NXN: variants seen among roughly 807,000 people sequenced by gnomAD.
NXN encodes nucleoredoxin 1.
A neutral mutation model predicts 48.6 loss-of-function variants in NXN; 16 were observed. The observed-to-expected ratio is 0.33, with a 90% CI of 0.22 to 0.50. The LOEUF is 0.50. Among genes scored for constraint, NXN ranks in the 20% least tolerant of loss-of-function variants. The probability of loss-of-function intolerance (pLI) is 0.98; values close to 1 mark genes in which losing one functional copy is unlikely to be tolerated. For synonymous variants in NXN, 281 were observed against 269.6 expected (o/e 1.04, Z -0.41); for missense variants, 492 against 605.5 (o/e 0.81, Z 1.97).
intron 1 of NXN, among the ~76,000 whole-genome samples, chr17:880,418 C>G (rs536281055): frequency 6.6e-6 from 1 of 152,184 alleles, no homozygotes; most frequent in Admixed American, 6.5e-5. Flanking sequence ...TCTTTGTGGC[C>G]TGTTAGAGCC....
chr17:904,639 G>A (rs2068567202), intron 1 of NXN, among the ~76,000 whole-genome samples: 1 of 152,118 alleles, frequency 6.6e-6, no homozygotes, highest in Non-Finnish European at 1.5e-5. Context: ...TGCCTCCCGG[G>A]TTCAAGCGAT....
intron 1 of NXN, among the ~76,000 whole-genome samples, chr17:831,037 T>C (rs951580461): frequency 1.3e-5 from 2 of 148,246 alleles, no homozygotes; most frequent in African/African-American, 5.0e-5. Flanking sequence ...CCTATGCTGA[T>C]TGGGTTACTC....
At chr17:947,940 A>T (rs1425774119) in intron 1 of NXN, among the ~76,000 whole-genome samples, 1 of 151,226 alleles carries the variant, frequency 6.6e-6, no homozygotes, top group Admixed American at 6.6e-5. Context: ...ACTCCCAGCT[A>T]CTCGGGAGGC....
At position 800,835 on chromosome 17, in the gene NXN, G is replaced by A. The variant is rs539097491; in HGVS notation, c.*114C>T. The A allele has an allele frequency of 2.4e-5, 15 of 621,666 alleles. No individual in the cohort carries two copies. In the African/African-American group the frequency reaches 2.7e-4, roughly 11 times the overall value. 38.5% of individuals were successfully genotyped at this position (621,666 alleles called of 1,614,324 possible). The stretch of plus-strand genomic sequence containing the variant: ...AGAAACAAGGCACCACAGAGAGGCT[G>A]GACACTTGGGTGGTGGGATTCGGGG... On this transcript the variant is annotated 3_prime_UTR_variant, in exon 8 of 8. Transcript: ENST00000336868.
chr17:890,219 C>T (rs1384309901), intron 1 of NXN, among the ~76,000 whole-genome samples: 1 of 151,942 alleles, frequency 6.6e-6, no homozygotes, highest in Non-Finnish European at 1.5e-5. Flanking sequence ...ATGCTGTTCT[C>T]GATGATCCTT....
intron 1 of NXN, among the ~76,000 whole-genome samples, chr17:863,142 A>G (rs2144784526): frequency 6.6e-6 from 1 of 152,122 alleles, no homozygotes; most frequent in African/African-American, 2.4e-5. Flanking sequence ...CTCTGCATAC[A>G]TGGGTTTCAC....
intron 1 of NXN, among the ~76,000 whole-genome samples, chr17:965,813 G>A (rs1374147119): frequency 6.6e-6 from 1 of 151,962 alleles, no homozygotes; most frequent in Non-Finnish European, 1.5e-5. Context: ...GGCCGAGGCA[G>A]GAGAATGGTG....
rs139356196 is a variant in NXN at position 839,023 on chromosome 17, C to T, written c.361-12945G>A. ...CCACCAGGGGAACTCCAGCCACACACCTCTCGGAGTGTCACTTTCCTCATG... is the reference window on the plus strand; with the variant it reads ...CCACCAGGGGAACTCCAGCCACACATCTCTCGGAGTGTCACTTTCCTCATG... On this transcript the variant is annotated intron_variant, in intron 1 of 7. Coordinates refer to ENST00000336868, the MANE Select transcript of NXN (RefSeq NM_022463.5). Among the ~76,000 whole-genome samples the T allele has an allele frequency of 5.0e-3, 768 of 152,310 alleles. 4 individuals carry two copies. Among genetic ancestry groups the T allele is most frequent in the African/African-American group, 0.017 (695 of 41,572 alleles).
rs933096721 is a variant in NXN, at chr17:887,662, G to A, written c.361-61584C>T. Among the ~76,000 whole-genome samples, 8 of 152,236 alleles carry A rather than the reference G, an allele frequency of 5.3e-5. No homozygotes were observed. In the East Asian group the frequency reaches 5.8e-4, roughly 11 times the overall value. On this transcript the variant is annotated intron_variant, in intron 1 of 7. Coordinates refer to ENST00000336868, the MANE Select transcript of NXN (RefSeq NM_022463.5). ...TTAAACGGGAATGCAGGCTTCTGGC[G>A]GAGACATGACCCCATTTTTCCATTC... is the stretch of plus-strand genomic sequence containing the variant.
chr17:866,152 C>T (rs999867549), intron 1 of NXN, among the ~76,000 whole-genome samples: 4 of 151,940 alleles, frequency 2.6e-5, no homozygotes, highest in South Asian at 2.1e-4. Context: ...TAAAGCAGGT[C>T]GGCTATGCCG....
intron 1 of NXN, chr17:842,411 G>A (rs77389656): frequency 0.043 from 25,671 of 590,372 alleles, 661 homozygotes; most frequent in African/African-American, 0.1. Context: ...GCACATGGCC[G>A]GGAGCCCGGG....
At chr17:838,120 TTC>T (rs1913928079) in intron 1 of NXN, among the ~76,000 whole-genome samples, 1 of 141,344 alleles carries the variant, frequency 7.1e-6, no homozygotes, top group Non-Finnish European at 1.5e-5. Flanking sequence ...GAATTTTCCT[TTC>T]CTTCTTTTTT....
chr17:832,063 A>G (rs1290962363), intron 1 of NXN, among the ~76,000 whole-genome samples: 5 of 151,588 alleles, frequency 3.3e-5, no homozygotes, highest in African/African-American at 4.9e-5. Flanking sequence ...AGTAAATTTC[A>G]GCCTGTGGTC....
chr17:835,074 C>T (rs533568351), intron 1 of NXN, among the ~76,000 whole-genome samples: 44 of 151,320 alleles, frequency 2.9e-4, no homozygotes, highest in East Asian at 2.4e-3. Context: ...TTTGGGAGGC[C>T]GAGGCGGGCG....
chr17:801,166 T>C, intron 7 of NXN, 35 bp from the exon 8 acceptor site: 1 of 1,472,832 alleles, frequency 6.8e-7, no homozygotes, highest in Non-Finnish European at 9.0e-7. Flanking sequence ...AACCAAGAAG[T>C]TTTAAAGAAA....
At chr17:832,336 C>T (rs1913525818) in intron 1 of NXN, among the ~76,000 whole-genome samples, 1 of 148,000 alleles carries the variant, frequency 6.8e-6, no homozygotes, top group Non-Finnish European at 1.5e-5. Flanking sequence ...CGCCACCACA[C>T]CCAGCTACTA....
At chr17:832,558 G>A (rs550463034) in intron 1 of NXN, among the ~76,000 whole-genome samples, 1 of 152,184 alleles carries the variant, frequency 6.6e-6, no homozygotes, top group African/African-American at 2.4e-5. Context: ...AAATGCTCAG[G>A]AGAAACGCCA....
In NXN at chr17:882,700, C is replaced by T. The variant is rs188339549; in HGVS notation, c.361-56622G>A. 2.6e-3 allele frequency among the ~76,000 whole-genome samples: 399 copies of T among 152,102 alleles called. 2 individuals carry two copies. Among genetic ancestry groups the T allele is most frequent in the African/African-American group, 8.2e-3 (339 of 41,472 alleles). ...CAGGATGGTCTCGATCTCCTGACCT[C>T]GTGATCTGCCTGCCTTGGCCTCCCA... On this transcript the variant is annotated intron_variant, in intron 1 of 7. Coordinates refer to ENST00000336868, the MANE Select transcript of NXN (RefSeq NM_022463.5).
At chr17:802,891 G>A (rs1036009295) in intron 7 of NXN, among the ~76,000 whole-genome samples, 2 of 152,044 alleles carry the variant, frequency 1.3e-5, no homozygotes, top group African/African-American at 4.8e-5. Context: ...AGGTACAGAT[G>A]GGTGGATGGA....
Sources: gnomAD v4.1 joint callset for allele counts (sites outside exome capture counted in the v4.1 genomes callset) on GRCh38, gnomAD v4.1.1 for gene constraint, MANE v1.5 for transcripts, NCBI Gene and HGNC (gene_info 2026-07-23, HGNC 2026-07-21) for gene names.